TRERF1: variants seen among roughly 807,000 people sequenced by gnomAD.
TRERF1 encodes the protein transcriptional regulating factor 1.
Under a neutral mutation model 122.9 loss-of-function variants are expected in TRERF1, and 27 were observed. The observed-to-expected ratio is 0.22, with a 90% CI of 0.16 to 0.30. The LOEUF is 0.30. TRERF1 is among the 10% of genes least tolerant of loss of function. The pLI is 1.00. For synonymous variants in TRERF1, 636 were observed against 641.7 expected (o/e 0.99, Z 0.13); for missense variants, 1,248 against 1,560.3 (o/e 0.80, Z 3.37).
intron 4 of TRERF1, among the ~76,000 whole-genome samples, chr6:42,284,058 T>C (rs1466151002): frequency 6.6e-6 from 1 of 152,198 alleles, no homozygotes. Context: ...AATAGAGCTC[T>C]GTATTTATCA....
At chr6:42,309,712 C>A in intron 3 of TRERF1, among the ~76,000 whole-genome samples, 1 of 151,992 alleles carries the variant, frequency 6.6e-6, no homozygotes, top group Non-Finnish European at 1.5e-5. Flanking sequence ...AATATGGCAG[C>A]TACTAGCCGT....
chr6:42,439,093 T>C (rs1271000647), intron 2 of TRERF1, among the ~76,000 whole-genome samples: 1 of 152,226 alleles, frequency 6.6e-6, no homozygotes, highest in African/African-American at 2.4e-5. Context: ...GGCCATGCCG[T>C]AGAAAGATGG....
At chr6:42,395,215 CTAAA>C (rs1329103392) in intron 2 of TRERF1, among the ~76,000 whole-genome samples, 3 of 152,180 alleles carry the variant, frequency 2.0e-5, no homozygotes, top group Admixed American at 6.5e-5. Context: ...GGTGGACTAA[CTAAA>C]AGGAGCGCTA....
At chr6:42,340,501 G>A (rs1181191759) in intron 3 of TRERF1, among the ~76,000 whole-genome samples, 1 of 152,042 alleles carries the variant, frequency 6.6e-6, no homozygotes, top group African/African-American at 2.4e-5. Flanking sequence ...TTTTCCCCCC[G>A]TATTAGCTTT....
intron 4 of TRERF1, among the ~76,000 whole-genome samples, chr6:42,281,003 C>T (rs115753728): frequency 1.8e-3 from 269 of 152,250 alleles, no homozygotes; most frequent in African/African-American, 6.2e-3. Context: ...TGTATGTGGA[C>T]GGTGGGAGGG....
At chr6:42,226,356 T>C (rs943121284) in exon 18 of TRERF1, 3 of 152,196 alleles carry the variant, frequency 2.0e-5, no homozygotes, top group Admixed American at 6.5e-5. Context: ...AGCAGCACCC[T>C]TCTAGGCTTA....
At chr6:42,408,362 T>C (rs1170777370) in intron 2 of TRERF1, among the ~76,000 whole-genome samples, 1 of 90,658 alleles carries the variant, frequency 1.1e-5, no homozygotes, top group South Asian at 3.9e-4. Flanking sequence ...TGTGTATATA[T>C]ATATATATAT....
chr6:42,255,955 A>AC lies in TRERF1; in HGVS notation c.2580+772dup, dbSNP rs1776665853. On this transcript the variant is annotated intron_variant, in intron 12 of 17. Transcript: ENST00000372922. ...AGACCAGCCTGGCCAACATGATGAA[A>AC]CCCCATCTCTACTGAAAATACAAAA... is the stretch of plus-strand genomic sequence containing the variant. 2.6e-5 allele frequency among the ~76,000 whole-genome samples: 4 copies of AC among 151,718 alleles called. No individual in the cohort carries two copies. In the South Asian group the frequency reaches 8.3e-4, roughly 32 times the overall value.
At chr6:42,235,195 G>A (rs1012895354) in intron 16 of TRERF1, among the ~76,000 whole-genome samples, 1 of 152,068 alleles carries the variant, frequency 6.6e-6, no homozygotes, top group Non-Finnish European at 1.5e-5. Flanking sequence ...CAGGTAAGCA[G>A]CATTCAGTAC....
intron 3 of TRERF1, among the ~76,000 whole-genome samples, chr6:42,357,642 G>T (rs1467343531): frequency 6.6e-6 from 1 of 152,148 alleles, no homozygotes; most frequent in East Asian, 1.9e-4. Context: ...AACTTGCTTT[G>T]GCTCCAGGAT....
At chr6:42,262,959 G>T (rs1461722692) in intron 8 of TRERF1, among the ~76,000 whole-genome samples, 2 of 152,202 alleles carry the variant, frequency 1.3e-5, no homozygotes, top group African/African-American at 4.8e-5. Flanking sequence ...CTGGGATACA[G>T]GACTTCCATA....
Position 42,263,540 on chromosome 6 carries a change from T to C in TRERF1, c.1664A>G (p.Gln555Arg). 6.4e-7 allele frequency: 1 copy of C among 1,552,224 alleles called. No homozygotes were observed. The highest frequency in any genetic ancestry group is 8.7e-7 in the Non-Finnish European group (1 of 1,148,580). ...CGGAGGCGGCAGTGGTGGCTGGGGC[T>C]GAGGCGGCAGGACCTTCTCTCCTTC... Residue 555 changes from glutamine (Q) to arginine (R), a missense_variant, in exon 8 of 18, where the codon CAG (glutamine) becomes CGG (arginine). Transcript: ENST00000372922. This position sits in a 1 kb window ranked among gnomAD's most constrained non-coding sequence, Gnocchi z 5.6.
chr6:42,414,558 A>G (rs934144906), intron 2 of TRERF1, among the ~76,000 whole-genome samples: 1 of 152,202 alleles, frequency 6.6e-6, no homozygotes, highest in Non-Finnish European at 1.5e-5. Flanking sequence ...CTAACTTAAT[A>G]TATTCCTTTT....
chr6:42,355,925 T>C (rs1770456199), intron 3 of TRERF1, among the ~76,000 whole-genome samples: 1 of 152,244 alleles, frequency 6.6e-6, no homozygotes, highest in South Asian at 2.1e-4. Flanking sequence ...AAGGTGATCA[T>C]GGAATATTGG....
At chr6:42,391,259 G>A (rs1297711217) in intron 2 of TRERF1, among the ~76,000 whole-genome samples, 1 of 152,202 alleles carries the variant, frequency 6.6e-6, no homozygotes, top group African/African-American at 2.4e-5. Flanking sequence ...GGTGGGTGGA[G>A]AGTGCAACCC....
intron 4 of TRERF1, among the ~76,000 whole-genome samples, chr6:42,271,353 C>T (rs763223058): frequency 9.9e-5 from 15 of 151,986 alleles, no homozygotes; most frequent in East Asian, 3.9e-4. Context: ...CCAGGGAGAA[C>T]GAAAAATGGA....
intron 3 of TRERF1, among the ~76,000 whole-genome samples, chr6:42,362,195 C>T (rs200496841): frequency 1.2e-3 from 180 of 152,294 alleles, no homozygotes; most frequent in African/African-American, 3.6e-3. Context: ...CCGACTGGAA[C>T]CCCGAGACAC....
chr6:42,419,407 C>T (rs565491862), intron 2 of TRERF1, among the ~76,000 whole-genome samples: 3 of 151,984 alleles, frequency 2.0e-5, no homozygotes, highest in African/African-American at 7.2e-5. Context: ...GTGTTTCAAG[C>T]GCATGCCTGT....
chr6:42,347,958 A>G (rs1228773321), intron 3 of TRERF1, among the ~76,000 whole-genome samples: 1 of 152,252 alleles, frequency 6.6e-6, no homozygotes, highest in African/African-American at 2.4e-5. Flanking sequence ...TCAAAAATCA[A>G]AGGTGAATGT....
Sources: gnomAD v4.1 joint callset for allele counts (sites outside exome capture counted in the v4.1 genomes callset) on GRCh38, gnomAD v4.1.1 for gene constraint, Gnocchi (gnomAD v3.1) non-coding constraint, MANE v1.5 for transcripts, NCBI Gene and HGNC (gene_info 2026-07-23, HGNC 2026-07-21) for gene names.